Variants in PIK3C2G observed in about 807,000 individuals in gnomAD.
PIK3C2G encodes the protein phosphatidylinositol-4-phosphate 3-kinase catalytic subunit type 2 gamma.
A neutral mutation model predicts 181.1 loss-of-function variants in PIK3C2G; 168 were observed. That is an observed-to-expected ratio of 0.93 (90% confidence interval 0.82 to 1.05). PIK3C2G has a LOEUF of 1.05. PIK3C2G is among the 50% of genes least tolerant of loss of function. The pLI, the probability that PIK3C2G is intolerant of heterozygous loss-of-function variation, is 0.00. For missense variants in PIK3C2G, 1,869 were observed against 1,732.8 expected (o/e 1.08, Z -1.40); for synonymous variants, 573 against 592.2 (o/e 0.97, Z 0.47).
chr12:18,422,438 G>A (rs540327462), intron 17 of PIK3C2G, among the ~76,000 whole-genome samples: 1 of 151,914 alleles, frequency 6.6e-6, no homozygotes, highest in Non-Finnish European at 1.5e-5. Flanking sequence ...TTGTTCTCTT[G>A]AATCATGCTA....
chr12:18,690,209 T>TTTTG, the PIK3C2G span, among the ~76,000 whole-genome samples: 11,019 of 151,930 alleles, frequency 0.073, 440 homozygotes, highest in Non-Finnish European at 0.08. Flanking sequence ...CACATCTGTT[T>TTTTG]TTTGTTTGTT....
chr12:18,446,715 G>A (rs979881366), intron 18 of PIK3C2G, among the ~76,000 whole-genome samples: 2 of 152,108 alleles, frequency 1.3e-5, no homozygotes, highest in Non-Finnish European at 2.9e-5. Context: ...TTAATCATTG[G>A]CATGAACCAT....
the PIK3C2G span, among the ~76,000 whole-genome samples, chr12:18,680,419 G>C: frequency 1.3e-5 from 2 of 151,982 alleles, no homozygotes; most frequent in Middle Eastern, 6.8e-3. Context: ...CAGCTACAGG[G>C]AAGCTTCCTC....
intron 24 of PIK3C2G, among the ~76,000 whole-genome samples, chr12:18,516,052 A>G (rs537636628): frequency 9.9e-5 from 15 of 152,120 alleles, no homozygotes; most frequent in African/African-American, 3.4e-4. Flanking sequence ...CTGTGTACTC[A>G]CTTTTACCAG....
the PIK3C2G span, among the ~76,000 whole-genome samples, chr12:18,664,265 G>C: frequency 3.6e-4 from 55 of 152,142 alleles, no homozygotes; most frequent in South Asian, 6.2e-4. Flanking sequence ...TACAATTCCA[G>C]TTCTGAATAT....
the PIK3C2G span, chr12:18,705,302 G>A: frequency 6.2e-7 from 1 of 1,613,980 alleles, no homozygotes; most frequent in Non-Finnish European, 8.5e-7. Flanking sequence ...GAGCACCACT[G>A]GGTAGTCAGA....
chr12:18,563,383 C>T lies in PIK3C2G; in HGVS notation c.3787C>T (p.Leu1263=), dbSNP rs751204079. The change falls in exon 28 of 33, where the codon CTG becomes TTG. Residue 1263 remains leucine, a synonymous_variant. Coordinates refer to ENST00000538779, the MANE Select transcript of PIK3C2G (RefSeq NM_001288772.2). ...ATCTATTTACTTTCTGCAGCTGTATCTGATCCAGGTGACACACAGCAACAA... is the reference window on the plus strand; with the variant it reads ...ATCTATTTACTTTCTGCAGCTGTATTTGATCCAGGTGACACACAGCAACAA... ...GFSKKSSNLY[L]IQVTHSNNET... 2.4e-5 allele frequency: 38 copies of T among 1,610,832 alleles called. No homozygotes were observed. The highest frequency in any genetic ancestry group is 1.6e-4 in the Middle Eastern group (1 of 6,082).
chr12:18,628,878 G>A (rs1438208090), intron 31 of PIK3C2G, among the ~76,000 whole-genome samples: 1 of 152,064 alleles, frequency 6.6e-6, no homozygotes, highest in Non-Finnish European at 1.5e-5. Context: ...GATTTTTTGA[G>A]CCAGAGAGTT....
chr12:18,422,012 G>A (rs781605097), intron 17 of PIK3C2G, among the ~76,000 whole-genome samples: 26 of 152,008 alleles, frequency 1.7e-4, no homozygotes, highest in African/African-American at 4.1e-4. Flanking sequence ...CAAGTTTACC[G>A]TTCATCTCAT....
chr12:18,490,745 T>C (rs760005988), intron 19 of PIK3C2G, among the ~76,000 whole-genome samples: 2 of 152,200 alleles, frequency 1.3e-5, no homozygotes, highest in African/African-American at 4.8e-5. Context: ...TACTCCATCA[T>C]GCATATGTGA....
chr12:18,626,327 TTA>T (rs1388256274), intron 31 of PIK3C2G, among the ~76,000 whole-genome samples: 37 of 152,070 alleles, frequency 2.4e-4, no homozygotes, highest in African/African-American at 8.9e-4. Flanking sequence ...ACACACCATT[TTA>T]TGTTTTTTAT....
chr12:18,351,665 G>T (rs1269281363), intron 11 of PIK3C2G, among the ~76,000 whole-genome samples: 6 of 152,196 alleles, frequency 3.9e-5, no homozygotes, highest in Non-Finnish European at 8.8e-5. Flanking sequence ...AAATGTCACA[G>T]ATGCTGAAGC....
In PIK3C2G at chr12:18,424,012, G is replaced by A; in HGVS notation, c.2477G>A (p.Ser826Asn). 2 of 1,610,850 alleles carry A rather than the reference G, an allele frequency of 1.2e-6. No homozygotes were observed. Among genetic ancestry groups the A allele is most frequent in the Non-Finnish European group, 1.7e-6 (2 of 1,178,308 alleles). ...CTTCTACTCCACCGCTCCTTGCAGAGCATCCAGGTTGCCCATCGTCTTTAC... is the reference window on the plus strand; with the variant it reads ...CTTCTACTCCACCGCTCCTTGCAGAACATCCAGGTTGCCCATCGTCTTTAC... ...VQLLLHRSLQSIQVAHRLYWL... is the reference protein window; with the variant it reads ...VQLLLHRSLQNIQVAHRLYWL... The change falls in exon 18 of 33, where the codon AGC (serine) becomes AAC (asparagine). Residue 826 changes from serine to asparagine, a missense_variant. Ser to Asn is a conservative substitution (Grantham distance 46). Coordinates refer to ENST00000538779, the MANE Select transcript of PIK3C2G (RefSeq NM_001288772.2).
At chr12:18,272,857 C>T (rs1948800937) in intron 1 of PIK3C2G, among the ~76,000 whole-genome samples, 1 of 152,122 alleles carries the variant, frequency 6.6e-6, no homozygotes. Flanking sequence ...ACTGGTCCAC[C>T]AAGCAACCCT....
At chr12:18,701,111 A>G in the PIK3C2G span, among the ~76,000 whole-genome samples, 1 of 151,976 alleles carries the variant, frequency 6.6e-6, no homozygotes, top group East Asian at 1.9e-4. Context: ...CAGCGTCACA[A>G]GTAGTTGGAA....
At position 18,522,521 on chromosome 12, in the gene PIK3C2G, GTT is replaced by G. The variant is rs200633495; in HGVS notation, c.3324-15623_3324-15622del. Among the ~76,000 whole-genome samples, 3 of 143,532 alleles carry G rather than the reference GTT, an allele frequency of 2.1e-5. No homozygotes were observed. The South Asian group carries it at 6.6e-4, about 32-fold the overall frequency. 94.2% of individuals were successfully genotyped at this position (143,532 alleles called of 152,430 possible). A position where few individuals can be genotyped will look rare whatever the true frequency, so the allele number is the denominator to read the frequency against. ...CCAGGTAAAGTATTCTTGTTGGCAGGTTTTTTTTTTTTTCTTCAGCAATTTGA... is the reference window on the plus strand; with the variant it reads ...CCAGGTAAAGTATTCTTGTTGGCAGGTTTTTTTTTTTCTTCAGCAATTTGA... On this transcript the variant is annotated intron_variant, in intron 24 of 32. Transcript: ENST00000538779.
At chr12:18,705,326 A>G in the PIK3C2G span, 1 of 1,613,914 alleles carries the variant, frequency 6.2e-7, no homozygotes, top group African/African-American at 1.3e-5. Flanking sequence ...CTAAAAAAGT[A>G]ACCATTACTA....
At chr12:18,596,081 T>C (rs952062793) in intron 30 of PIK3C2G, among the ~76,000 whole-genome samples, 1 of 152,076 alleles carries the variant, frequency 6.6e-6, no homozygotes, top group Non-Finnish European at 1.5e-5. Flanking sequence ...AATAAATAAT[T>C]ACTGAATAAA....
chr12:18,637,716 G>T (rs1949668196), intron 31 of PIK3C2G, among the ~76,000 whole-genome samples: 1 of 152,216 alleles, frequency 6.6e-6, no homozygotes, highest in African/African-American at 2.4e-5. Flanking sequence ...TTTCAAGGAT[G>T]CTGGGCCTCC....
Sources: allele counts gnomAD v4.1 joint callset (sites outside exome capture counted in the v4.1 genomes callset), GRCh38; gene constraint gnomAD v4.1.1; transcripts MANE v1.5; gene names NCBI Gene and HGNC (gene_info 2026-07-23, HGNC 2026-07-21).